The following DPP10 variants were observed in gnomAD, a reference collection of about 807,000 sequenced individuals.
The protein encoded by DPP10 is dipeptidyl peptidase like 10.
In DPP10, 33 loss-of-function variants were observed where a neutral mutation model predicts 120.9. The observed-to-expected ratio is 0.27, with a 90% CI of 0.21 to 0.37. The LOEUF is 0.37. DPP10 is among the 10% of genes least tolerant of loss of function. The probability of loss-of-function intolerance (pLI) is 1.00; values close to 1 mark genes in which losing one functional copy is unlikely to be tolerated. For synonymous variants in DPP10, 337 were observed against 326.1 expected (o/e 1.03, Z -0.36); for missense variants, 816 against 942.8 (o/e 0.87, Z 1.76).
chr2:115,683,158 A>G (rs931755164), intron 5 of DPP10, among the ~76,000 whole-genome samples: 1 of 151,976 alleles, frequency 6.6e-6, no homozygotes, highest in Non-Finnish European at 1.5e-5. Flanking sequence ...AATATTGTTT[A>G]CTGAAAAAGA....
intron 1 of DPP10, among the ~76,000 whole-genome samples, chr2:115,004,075 A>G (rs1701639778): frequency 6.6e-6 from 1 of 152,184 alleles, no homozygotes; most frequent in South Asian, 2.1e-4. Context: ...TCGAAGGTAT[A>G]AAACTTAGCA....
chr2:114,981,345 A>T (rs1700079405), intron 1 of DPP10, among the ~76,000 whole-genome samples: 1 of 152,218 alleles, frequency 6.6e-6, no homozygotes, highest in Admixed American at 6.5e-5. Context: ...GCCAATAAAA[A>T]TAAGAAGATG....
chr2:115,424,486 A>G (rs2070270801), intron 3 of DPP10, among the ~76,000 whole-genome samples: 1 of 151,618 alleles, frequency 6.6e-6, no homozygotes, highest in South Asian at 2.1e-4. Flanking sequence ...TAGGAAAACA[A>G]AAAAAAAGAA....
At chr2:114,890,957 T>C (rs1026128454) in intron 1 of DPP10, among the ~76,000 whole-genome samples, 1 of 151,398 alleles carries the variant, frequency 6.6e-6, no homozygotes, top group Non-Finnish European at 1.5e-5. Context: ...CAAATGCTGT[T>C]GCTCCACATA....
chr2:115,806,105 G>A (rs76897564), intron 19 of DPP10, among the ~76,000 whole-genome samples: 2,964 of 152,122 alleles, frequency 0.019, 98 homozygotes, highest in African/African-American at 0.065. Flanking sequence ...TTTAAAATAC[G>A]TGGTGTAAAT....
intron 21 of DPP10, among the ~76,000 whole-genome samples, chr2:115,828,274 C>A (rs1308098135): frequency 6.6e-6 from 1 of 151,874 alleles, no homozygotes; most frequent in Non-Finnish European, 1.5e-5. Context: ...TACAACGCAT[C>A]TTTTCTCTGT....
chr2:114,598,603 G>T (rs572282739), intron 1 of DPP10, among the ~76,000 whole-genome samples: 1 of 151,828 alleles, frequency 6.6e-6, no homozygotes, highest in Admixed American at 6.6e-5. Context: ...GGAAATACTT[G>T]GCAGTGGCAA....
intron 5 of DPP10, among the ~76,000 whole-genome samples, chr2:115,529,416 G>A (rs1040824310): frequency 4.0e-5 from 6 of 150,984 alleles, no homozygotes; most frequent in African/African-American, 1.2e-4. Flanking sequence ...GGATCCACCC[G>A]CTTCAGCCTT....
chr2:114,817,040 G>A (rs1002366347), intron 1 of DPP10, among the ~76,000 whole-genome samples: 3 of 152,092 alleles, frequency 2.0e-5, no homozygotes, highest in Admixed American at 6.5e-5. Flanking sequence ...ATAAATAACC[G>A]GCCCATTAGC....
intron 1 of DPP10, among the ~76,000 whole-genome samples, chr2:114,838,581 G>T (rs768523432): frequency 6.6e-6 from 1 of 152,106 alleles, no homozygotes; most frequent in Non-Finnish European, 1.5e-5. Flanking sequence ...ACAGGTATGA[G>T]CCACTGTGCC....
intron 3 of DPP10, among the ~76,000 whole-genome samples, chr2:115,435,198 C>A (rs1240957740): frequency 6.6e-6 from 1 of 151,554 alleles, no homozygotes; most frequent in East Asian, 1.9e-4. Flanking sequence ...GGCTGTGTAC[C>A]CAGCAGCGAG....
At chr2:115,312,032 A>C (rs2061600481) in intron 2 of DPP10, among the ~76,000 whole-genome samples, 1 of 152,110 alleles carries the variant, frequency 6.6e-6, no homozygotes, top group Non-Finnish European at 1.5e-5. Context: ...CTGGGATTAC[A>C]ATCATAAGCC....
intron 18 of DPP10, 37 bp downstream of exon 18, chr2:115,791,216 C>CT (rs1456526232): frequency 6.2e-7 from 1 of 1,606,466 alleles, no homozygotes. Context: ...TCAAGAACAA[C>CT]TTTCTCTGCG....
chr2:115,222,167 A>T (rs947856331), intron 1 of DPP10, among the ~76,000 whole-genome samples: 1 of 152,102 alleles, frequency 6.6e-6, no homozygotes, highest in Non-Finnish European at 1.5e-5. Flanking sequence ...CTTTAGAGTA[A>T]ATGAGTAAAG....
At chr2:115,462,639 C>A (rs2074060102) in intron 3 of DPP10, among the ~76,000 whole-genome samples, 1 of 152,148 alleles carries the variant, frequency 6.6e-6, no homozygotes, top group African/African-American at 2.4e-5. Context: ...TTGTCTCACA[C>A]ATATATAAAA....
At chr2:115,121,292 G>A (rs1028313936) in intron 1 of DPP10, among the ~76,000 whole-genome samples, 9 of 152,136 alleles carry the variant, frequency 5.9e-5, no homozygotes, top group South Asian at 2.1e-4. Flanking sequence ...TTTTCTTTTC[G>A]AGGGAAGTGA....
chr2:115,012,019 C>T (rs1166484086), intron 1 of DPP10, among the ~76,000 whole-genome samples: 3 of 152,060 alleles, frequency 2.0e-5, no homozygotes, highest in Non-Finnish European at 2.9e-5. Flanking sequence ...TGGCTTTCCC[C>T]TACTTCCCTG....
chr2:115,289,789 T>G (rs1288694437), intron 1 of DPP10, among the ~76,000 whole-genome samples: 1 of 152,094 alleles, frequency 6.6e-6, no homozygotes, highest in East Asian at 1.9e-4. Context: ...GAACACTGGA[T>G]AGCCACAGGT....
At chr2:114,463,734 T>C (rs897432895) in intron 1 of DPP10, among the ~76,000 whole-genome samples, 3 of 152,192 alleles carry the variant, frequency 2.0e-5, no homozygotes, top group Non-Finnish European at 4.4e-5. Flanking sequence ...CATATATTCA[T>C]CACTATGGTA....
Sources: allele counts gnomAD v4.1 joint callset (sites outside exome capture counted in the v4.1 genomes callset), GRCh38; gene constraint gnomAD v4.1.1; transcripts MANE v1.5; gene names NCBI Gene and HGNC (gene_info 2026-07-23, HGNC 2026-07-21).